The following PCDH15 variants were observed in gnomAD, a reference collection of about 807,000 sequenced individuals.
The protein encoded by PCDH15 is protocadherin-15.
A neutral mutation model predicts 178.5 loss-of-function variants in PCDH15; 129 were observed. That is an observed-to-expected ratio of 0.72 (90% CI 0.63 to 0.84). The LOEUF is 0.84. PCDH15 is among the 40% of genes least tolerant of loss of function. PCDH15 has a pLI of 0.00. For missense variants in PCDH15, 2,230 were observed against 2,099.9 expected (o/e 1.06, Z -1.21); for synonymous variants, 800 against 732.0 (o/e 1.09, Z -1.50).
At chr10:54,734,068 T>C (rs867490218) in intron 1 of PCDH15, among the ~76,000 whole-genome samples, 6 of 150,536 alleles carry the variant, frequency 4.0e-5, no homozygotes, top group East Asian at 1.9e-4. Context: ...AAAAACATTA[T>C]TAATTGGACT....
chr10:55,086,979 G>A (rs556128775), intron 2 of PCDH15, among the ~76,000 whole-genome samples: 4 of 152,032 alleles, frequency 2.6e-5, no homozygotes, highest in African/African-American at 9.6e-5. Flanking sequence ...GAATAAAAAT[G>A]TTCTTTGCAG....
At chr10:54,133,524 G>A (rs928878820) in intron 14 of PCDH15, among the ~76,000 whole-genome samples, 4 of 152,032 alleles carry the variant, frequency 2.6e-5, no homozygotes, top group African/African-American at 9.7e-5. Context: ...AGAATCCTAC[G>A]TAAAATAGTT....
intron 2 of PCDH15, among the ~76,000 whole-genome samples, chr10:55,618,837 C>T (rs540550771): frequency 6.6e-6 from 1 of 152,032 alleles, no homozygotes; most frequent in African/African-American, 2.4e-5. Context: ...AGATCCATGA[C>T]ATAAAGAAAA....
intron 1 of PCDH15, among the ~76,000 whole-genome samples, chr10:55,247,418 C>G (rs933870585): frequency 6.6e-6 from 1 of 152,112 alleles, no homozygotes; most frequent in Non-Finnish European, 1.5e-5. Flanking sequence ...AAATTTATAT[C>G]TCAGAAGTCT....
intron 11 of PCDH15, among the ~76,000 whole-genome samples, chr10:54,185,714 A>G (rs1441963127): frequency 6.6e-6 from 1 of 152,056 alleles, no homozygotes; most frequent in East Asian, 1.9e-4. Context: ...GCATATATAC[A>G]TATTACTATC....
chr10:55,612,426 A>T (rs901714756), intron 2 of PCDH15, among the ~76,000 whole-genome samples: 1 of 152,134 alleles, frequency 6.6e-6, no homozygotes, highest in Admixed American at 6.5e-5. Flanking sequence ...GGCACGTCCA[A>T]AAGAATACGT....
At chr10:55,153,843 C>T (rs1331798116) in intron 2 of PCDH15, among the ~76,000 whole-genome samples, 1 of 152,148 alleles carries the variant, frequency 6.6e-6, no homozygotes, top group Admixed American at 6.6e-5. Context: ...AGGCAATACA[C>T]AGTATACTGA....
intron 25 of PCDH15, among the ~76,000 whole-genome samples, chr10:53,932,333 A>G (rs1335913444): frequency 6.6e-6 from 1 of 152,196 alleles, no homozygotes; most frequent in Non-Finnish European, 1.5e-5. Flanking sequence ...TATGCAGGCA[A>G]AGAACAGTCA....
At chr10:54,051,790 T>A (rs921293683) in intron 18 of PCDH15, among the ~76,000 whole-genome samples, 5 of 152,098 alleles carry the variant, frequency 3.3e-5, no homozygotes, top group Non-Finnish European at 5.9e-5. Context: ...CTGCACAGCA[T>A]CCTTTCCCAT....
chr10:54,302,286 T>C (rs2060192312), intron 8 of PCDH15, among the ~76,000 whole-genome samples: 1 of 152,160 alleles, frequency 6.6e-6, no homozygotes, highest in Non-Finnish European at 1.5e-5. Context: ...CCTTAGATAT[T>C]ATGTGTTGTA....
intron 12 of PCDH15, 108 bp from the exon 13 acceptor site, chr10:54,183,701 A>G (rs1298108283): frequency 1.6e-6 from 2 of 1,271,518 alleles, no homozygotes; most frequent in Non-Finnish European, 2.3e-6. Flanking sequence ...TTACAATTTG[A>G]AAGGGTGCAA....
chr10:54,362,763 T>TA (rs142437985), intron 5 of PCDH15, among the ~76,000 whole-genome samples: 4 of 151,928 alleles, frequency 2.6e-5, no homozygotes, highest in African/African-American at 7.3e-5. Context: ...AAAAGTAGGG[T>TA]AAAAAAATCT....
intron 3 of PCDH15, among the ~76,000 whole-genome samples, chr10:54,441,538 C>T (rs944461901): frequency 3.3e-5 from 5 of 151,870 alleles, no homozygotes; most frequent in African/African-American, 1.2e-4. Context: ...TAAGTCTTGA[C>T]ATTGCCATTA....
At position 54,512,322 on chromosome 10, in the gene PCDH15, C is replaced by G. The variant is rs536214508; in HGVS notation, c.157+15490G>C. Among the ~76,000 whole-genome samples the G allele has an allele frequency of 2.0e-5, 3 of 149,628 alleles. No homozygotes were observed. The South Asian group carries it at 6.3e-4, about 31-fold the overall frequency. ...ATCATAGCTTGAATATTTTAAAACT[C>G]TATTGATTTTTGAACATGGTATAGA... On this transcript the variant is annotated intron_variant, in intron 3 of 37. Transcript: ENST00000644397.
At chr10:54,482,730 T>C (rs193299965) in intron 3 of PCDH15, among the ~76,000 whole-genome samples, 212 of 151,960 alleles carry the variant, frequency 1.4e-3, no homozygotes, top group African/African-American at 3.7e-3. Flanking sequence ...TCACAATCAA[T>C]TGACTTCAGA....
chr10:55,589,669 T>C (rs1842800205), intron 2 of PCDH15, among the ~76,000 whole-genome samples: 1 of 151,882 alleles, frequency 6.6e-6, no homozygotes, highest in Non-Finnish European at 1.5e-5. Context: ...AACAGACACT[T>C]CTCAAAAGAA....
intron 8 of PCDH15, among the ~76,000 whole-genome samples, chr10:54,267,555 T>C (rs7099755): frequency 0.7 from 106,698 of 151,658 alleles, 38,424 homozygotes; most frequent in Middle Eastern, 0.76. Context: ...CGCCTAAAGT[T>C]GATTAAAAAT....
chr10:54,889,855 C>A (rs1485528224), intron 3 of PCDH15, among the ~76,000 whole-genome samples: 2 of 151,686 alleles, frequency 1.3e-5, no homozygotes, highest in South Asian at 2.1e-4. Flanking sequence ...ATCTCAAACA[C>A]CATTTATAAA....
chr10:54,469,520 A>T (rs1170624794), intron 3 of PCDH15, among the ~76,000 whole-genome samples: 1 of 152,124 alleles, frequency 6.6e-6, no homozygotes, highest in Non-Finnish European at 1.5e-5. Flanking sequence ...CCACACATAC[A>T]TGCAGGTGGT....
Sources: gnomAD v4.1 joint callset for allele counts (sites outside exome capture counted in the v4.1 genomes callset) on GRCh38, gnomAD v4.1.1 for gene constraint, MANE v1.5 for transcripts, NCBI Gene and HGNC (gene_info 2026-07-23, HGNC 2026-07-21) for gene names.